The following NR3C2 variants were observed in gnomAD, a reference collection of about 807,000 sequenced individuals.
NR3C2 encodes the protein nuclear receptor subfamily 3 group C member 2.
Under a neutral mutation model 86.4 loss-of-function variants are expected in NR3C2, and 15 were observed. That is an observed-to-expected ratio of 0.17 (90% CI 0.12 to 0.27). The LOEUF (loss-of-function observed/expected upper bound fraction) is 0.27. Ranked by LOEUF, NR3C2 falls within the 10% of genes least tolerant of loss-of-function variation. The pLI is 1.00. For missense variants in NR3C2, 960 were observed against 1,195.6 expected (o/e 0.80, Z 2.91); for synonymous variants, 458 against 450.5 (o/e 1.02, Z -0.21).
At chr4:148,272,928 G>A (rs952706071) in intron 2 of NR3C2, among the ~76,000 whole-genome samples, 2 of 152,150 alleles carry the variant, frequency 1.3e-5, no homozygotes, top group African/African-American at 2.4e-5. Flanking sequence ...AGATAAAGAA[G>A]TTGAAGTAGG....
chr4:148,293,526 G>T (rs766423317), intron 2 of NR3C2, among the ~76,000 whole-genome samples: 3 of 151,914 alleles, frequency 2.0e-5, no homozygotes, highest in Non-Finnish European at 1.5e-5. Flanking sequence ...TTACTGACTA[G>T]AAATGCCTTA....
chr4:148,206,805 C>A (rs1446517180), intron 3 of NR3C2, among the ~76,000 whole-genome samples: 1 of 152,240 alleles, frequency 6.6e-6, no homozygotes, highest in African/African-American at 2.4e-5. Flanking sequence ...TGTGCTGGAG[C>A]AGCCATGGAA....
intron 2 of NR3C2, among the ~76,000 whole-genome samples, chr4:148,329,597 G>A (rs1046582884): frequency 7.9e-5 from 12 of 152,112 alleles, no homozygotes; most frequent in Non-Finnish European, 1.5e-4. Context: ...AATAAAAAAA[G>A]GAAAAAGGAC....
rs61763141 is a variant in NR3C2, at chr4:148,080,312, C to T, written c.*1032G>A. 0.09 allele frequency: 13,669 copies of T among 152,576 alleles called. 735 individuals carry two copies. Among genetic ancestry groups the T allele is most frequent in the Middle Eastern group, 0.14 (41 of 294 alleles). 9.5% of individuals were successfully genotyped at this position (152,576 alleles called of 1,614,324 possible). On this transcript the variant is annotated 3_prime_UTR_variant, in exon 9 of 9. Transcript: ENST00000358102. ...AAAAGTAGAAAGGTTTCAAGACAAC[C>T]GAAGAGGTTTCAGTGTGGTTATTTA...
intron 2 of NR3C2, among the ~76,000 whole-genome samples, chr4:148,304,328 CTTTTTTTTT>C (rs35633620): frequency 2.4e-5 from 2 of 83,860 alleles, no homozygotes; most frequent in African/African-American, 4.4e-5. Flanking sequence ...GTTGTTGTTG[CTTTTTTTTT>C]TTTTTTTTTT....
chr4:148,323,750 C>T (rs150172755), intron 2 of NR3C2, among the ~76,000 whole-genome samples: 117 of 152,156 alleles, frequency 7.7e-4, no homozygotes, highest in African/African-American at 2.5e-3. Context: ...GCACACGGTG[C>T]GCGCACCCAC....
chr4:148,302,846 C>CAAAAAA lies in NR3C2; in HGVS notation c.1758-42735_1758-42730dup, dbSNP rs35574035. ...GGGCTACAAGAGCGAAACTCCGTCT[C>CAAAAAA]AAAAAAAAAAAAAAAAAAAAAAGTT... On this transcript the variant is annotated intron_variant, in intron 2 of 8. Transcript: ENST00000358102. Among the ~76,000 whole-genome samples, 116 of 88,530 alleles carry CAAAAAA rather than the reference C, an allele frequency of 1.3e-3. 2 individuals are homozygous for CAAAAAA. The highest frequency in any genetic ancestry group is 5.0e-3 in the African/African-American group (111 of 22,080). 58.1% of individuals were successfully genotyped at this position (88,530 alleles called of 152,430 possible). A position where few individuals can be genotyped will look rare whatever the true frequency, so the allele number is the denominator to read the frequency against.
At chr4:148,303,197 C>T (rs1377271121) in intron 2 of NR3C2, among the ~76,000 whole-genome samples, 1 of 152,152 alleles carries the variant, frequency 6.6e-6, no homozygotes, top group Non-Finnish European at 1.5e-5. Flanking sequence ...TCACATTTGA[C>T]ATTAAATTCT....
Position 148,295,477 on chromosome 4 carries a change from AT to A in NR3C2, c.1758-35361del, listed in dbSNP as rs1318297802. Among the ~76,000 whole-genome samples the A allele has an allele frequency of 5.3e-5, 8 of 150,228 alleles. No homozygotes were observed. The East Asian group carries it at 1.6e-3, about 30-fold the overall frequency. On this transcript the variant is annotated intron_variant, in intron 2 of 8. Coordinates refer to ENST00000358102, the MANE Select transcript of NR3C2 (RefSeq NM_000901.5). ...CACTCTAGAGACTAAATCCACAGATATTTCTGATATAACTGGTCTCTGGGCT... is the reference window on the plus strand; with the variant it reads ...CACTCTAGAGACTAAATCCACAGATATTCTGATATAACTGGTCTCTGGGCT...
At chr4:148,345,069 C>T (rs1291080108) in intron 2 of NR3C2, among the ~76,000 whole-genome samples, 1 of 152,098 alleles carries the variant, frequency 6.6e-6, no homozygotes, top group Non-Finnish European at 1.5e-5. Context: ...AACAAAATCT[C>T]AATTTGCTTT....
At chr4:148,263,702 A>G (rs1216200317) in intron 2 of NR3C2, among the ~76,000 whole-genome samples, 1 of 152,170 alleles carries the variant, frequency 6.6e-6, no homozygotes, top group African/African-American at 2.4e-5. Context: ...GCACATGCCA[A>G]CATCCCTGTT....
chr4:148,327,347 A>C (rs1258892842), intron 2 of NR3C2, among the ~76,000 whole-genome samples: 2 of 152,244 alleles, frequency 1.3e-5, no homozygotes, highest in African/African-American at 4.8e-5. Flanking sequence ...AGTACAGTTT[A>C]AAATTAAGGA....
chr4:148,322,259 G>A (rs1378448313), intron 2 of NR3C2, among the ~76,000 whole-genome samples: 1 of 149,764 alleles, frequency 6.7e-6, no homozygotes, highest in Non-Finnish European at 1.5e-5. Flanking sequence ...CTGTTAGTCT[G>A]ATGGGCTTCC....
At chr4:148,443,243 A>G (rs1750440595), upstream of NR3C2, among the ~76,000 whole-genome samples, 1 of 142,526 alleles carries the variant, frequency 7.0e-6, no homozygotes, top group African/African-American at 2.5e-5. Context: ...AAAAAAAAAA[A>G]AAAAAAAAAA....
At chr4:148,356,513 A>C (rs1272550645) in intron 2 of NR3C2, among the ~76,000 whole-genome samples, 2 of 152,362 alleles carry the variant, frequency 1.3e-5, no homozygotes, top group South Asian at 2.1e-4. Context: ...TACTGTATTA[A>C]GCCACAATTT....
intron 2 of NR3C2, among the ~76,000 whole-genome samples, chr4:148,369,587 T>A (rs1431468737): frequency 6.6e-6 from 1 of 152,196 alleles, no homozygotes; most frequent in Non-Finnish European, 1.5e-5. Flanking sequence ...TCTTTAGCAC[T>A]TTGAGTATAA....
At chr4:148,234,213 T>C (rs900167584) in intron 3 of NR3C2, among the ~76,000 whole-genome samples, 15 of 152,208 alleles carry the variant, frequency 9.9e-5, no homozygotes, top group African/African-American at 2.9e-4. Context: ...TGTAACAATA[T>C]GTTCAGTTTC....
chr4:148,260,523 T>G (rs1740044151), intron 2 of NR3C2, among the ~76,000 whole-genome samples: 1 of 152,180 alleles, frequency 6.6e-6, no homozygotes. Flanking sequence ...CTCAACACTC[T>G]TCAGACTCAC....
chr4:148,097,224 C>A (rs1193285333), intron 8 of NR3C2, among the ~76,000 whole-genome samples: 5 of 152,164 alleles, frequency 3.3e-5, no homozygotes, highest in African/African-American at 1.2e-4. Context: ...AAATAGACAA[C>A]CTCTGTCATA....
Sources: gnomAD v4.1 joint callset for allele counts (sites outside exome capture counted in the v4.1 genomes callset) on GRCh38, gnomAD v4.1.1 for gene constraint, MANE v1.5 for transcripts, NCBI Gene and HGNC (gene_info 2026-07-23, HGNC 2026-07-21) for gene names.